Variants in FREM1 observed in about 807,000 individuals in gnomAD.
FREM1 encodes FRAS1-related extracellular matrix protein 1.
Under a neutral mutation model 210.1 loss-of-function variants are expected in FREM1, and 220 were observed. The ratio of observed to expected loss-of-function variants is 1.05; its 90% CI spans 0.94 to 1.17. The LOEUF (loss-of-function observed/expected upper bound fraction) is 1.17, where lower values mean the gene tolerates loss of function less well. Among genes scored for constraint, FREM1 ranks in the 50% most tolerant of loss-of-function variants. FREM1 has a pLI of 0.00. For synonymous variants in FREM1, 1,189 were observed against 980.2 expected (o/e 1.21, Z -3.98); for missense variants, 3,454 against 2,675.5 (o/e 1.29, Z -6.42).
rs10810239 is a variant in FREM1 at position 14,784,667 on chromosome 9, A to G, written c.4178-33T>C. On this transcript the variant is annotated intron_variant, in intron 23 of 36. Coordinates refer to ENST00000380880, the MANE Select transcript of FREM1 (RefSeq NM_001379081.2). The stretch of plus-strand genomic sequence containing the variant: ...ACATAAGAGGTTATGGTCAATAATC[A>G]TATCAAAAAACACATTATGTCCAAG... The G allele has an allele frequency of 0.25, 355,353 of 1,440,092 alleles. 45,846 individuals carry two copies. The highest frequency in any genetic ancestry group is 0.38 in the East Asian group (15,564 of 40,976). 89.2% of individuals were successfully genotyped at this position (1,440,092 alleles called of 1,614,324 possible). A position where few individuals can be genotyped will look rare whatever the true frequency, so the allele number is the denominator to read the frequency against.
intron 24 of FREM1, 33 bp from the exon 25 acceptor site, chr9:14,776,236 G>T: frequency 6.7e-7 from 1 of 1,503,426 alleles, no homozygotes; most frequent in Non-Finnish European, 8.9e-7. Context: ...CCTTCAGCAT[G>T]GATTCTTGTG....
At chr9:14,738,323 A>G (rs964558388) in intron 36 of FREM1, among the ~76,000 whole-genome samples, 1 of 152,196 alleles carries the variant, frequency 6.6e-6, no homozygotes, top group Non-Finnish European at 1.5e-5. Context: ...ACATTCCCCA[A>G]ATCAAATTTG....
At chr9:14,802,186 G>C (rs925160570) in intron 19 of FREM1, among the ~76,000 whole-genome samples, 1 of 152,158 alleles carries the variant, frequency 6.6e-6, no homozygotes, top group Non-Finnish European at 1.5e-5. Flanking sequence ...ATGCAACCAA[G>C]ACGGTGTTTG....
chr9:14,758,956 T>C (rs777918113), intron 28 of FREM1, among the ~76,000 whole-genome samples: 1 of 152,114 alleles, frequency 6.6e-6, no homozygotes, highest in Non-Finnish European at 1.5e-5. Context: ...ACTCTTAAGA[T>C]AGATGGGTTT....
intron 27 of FREM1, among the ~76,000 whole-genome samples, chr9:14,762,891 T>C (rs956313377): frequency 6.6e-6 from 1 of 152,080 alleles, no homozygotes; most frequent in African/African-American, 2.4e-5. Context: ...GAATTTTGCC[T>C]GCAAGAAGCC....
chr9:14,770,609 T>C lies in FREM1; in HGVS notation c.5055A>G (p.Thr1685=), dbSNP rs757163434. 3.1e-6 allele frequency: 5 copies of C among 1,609,858 alleles called. No individual in the cohort carries two copies. The highest frequency in any genetic ancestry group is 1.7e-5 in the Admixed American group (1 of 59,996). ...GPKHGHLENT[T]TGEFIHEKFS... is the part of the protein sequence containing the mutation. ...AAGGATTAAGGAGGCCAGTACCTGT[T>C]GTTGTGTTCTCCAGATGTCCATGTT... Residue 1685 remains threonine, a synonymous_variant, in exon 26 of 37, where the codon ACA becomes ACG. Coordinates refer to ENST00000380880, the MANE Select transcript of FREM1 (RefSeq NM_001379081.2).
chr9:14,744,606 T>C (rs1385084984), intron 35 of FREM1, among the ~76,000 whole-genome samples: 2 of 152,198 alleles, frequency 1.3e-5, no homozygotes, highest in South Asian at 2.1e-4. Flanking sequence ...ATCAAAAATT[T>C]ATTCTCTTGC....
intron 1 of FREM1, among the ~76,000 whole-genome samples, chr9:14,885,045 C>CCCCG (rs1835547243): frequency 7.0e-6 from 1 of 141,962 alleles, no homozygotes; most frequent in Non-Finnish European, 1.5e-5. Context: ...CTGCCTCAGC[C>CCCCG]CCCCGAGTGG....
chr9:14,801,277 C>T (rs1204818182), intron 20 of FREM1, among the ~76,000 whole-genome samples: 3 of 152,178 alleles, frequency 2.0e-5, no homozygotes, highest in East Asian at 1.9e-4. Context: ...GGATTACAGG[C>T]GTGAGCCACC....
Position 14,801,745 on chromosome 9 carries a change from A to G in FREM1, c.3601T>C (p.Phe1201Leu). Residue 1201 changes from phenylalanine to leucine, a missense_variant, in exon 20 of 37, where the codon TTT (phenylalanine) becomes CTT (leucine). Transcript: ENST00000380880. ...TTATTCTCAGAGAAGTCTTTGCTAA[A>G]CCCCCTATCGATGAGGAGGCCATGG... ...PRHGLLIDRG[F>L]SKDFSENKQP... 6.2e-7 allele frequency: 1 copy of G among 1,613,754 alleles called. No homozygotes were observed. The highest frequency in any genetic ancestry group is 1.1e-5 in the South Asian group (1 of 91,056).
Position 14,851,678 on chromosome 9 carries a change from C to T in FREM1, c.829-71G>A, listed in dbSNP as rs146158171. 210 of 1,192,430 alleles carry T rather than the reference C, an allele frequency of 1.8e-4. No individual in the cohort carries two copies. The East Asian group carries it at 4.4e-3, about 25-fold the overall frequency. 73.9% of individuals were successfully genotyped at this position (1,192,430 alleles called of 1,614,324 possible). ...AGGTGATATCATACAGGGCTAATAGCATAATATTTAATACAGCCACAGCCT... is the reference window on the plus strand; with the variant it reads ...AGGTGATATCATACAGGGCTAATAGTATAATATTTAATACAGCCACAGCCT... On this transcript the variant is annotated intron_variant, in intron 5 of 36. Coordinates refer to ENST00000380880, the MANE Select transcript of FREM1 (RefSeq NM_001379081.2).
At chr9:14,820,923 T>A (rs994224140) in intron 13 of FREM1, among the ~76,000 whole-genome samples, 2 of 152,206 alleles carry the variant, frequency 1.3e-5, no homozygotes, top group African/African-American at 2.4e-5. Context: ...TGAATTAGTA[T>A]CCCAATATGG....
chr9:14,799,694 T>C (rs1039010689), intron 20 of FREM1, among the ~76,000 whole-genome samples: 5 of 152,206 alleles, frequency 3.3e-5, no homozygotes, highest in African/African-American at 9.6e-5. Flanking sequence ...CTATTATTTG[T>C]AGCATGTGGT....
chr9:14,829,065 G>A (rs1399763013), intron 10 of FREM1, among the ~76,000 whole-genome samples: 2 of 152,186 alleles, frequency 1.3e-5, no homozygotes, highest in African/African-American at 2.4e-5. Flanking sequence ...CATAGTAGGT[G>A]CCCAATAAAT....
At chr9:14,856,377 C>A (rs999466626) in intron 5 of FREM1, among the ~76,000 whole-genome samples, 2 of 152,132 alleles carry the variant, frequency 1.3e-5, no homozygotes, top group Admixed American at 6.6e-5. Flanking sequence ...TAGTCTGCCT[C>A]ACAGTTTTTT....
chr9:14,838,585 C>T (rs1275931337), intron 10 of FREM1, among the ~76,000 whole-genome samples: 10 of 152,144 alleles, frequency 6.6e-5, no homozygotes, highest in East Asian at 1.9e-4. Context: ...CACTTATTAC[C>T]GCCCCATCTC....
intron 33 of FREM1, 76 bp downstream of exon 33, chr9:14,747,188 T>A: frequency 6.3e-7 from 1 of 1,579,110 alleles, no homozygotes; most frequent in Non-Finnish European, 8.7e-7. Flanking sequence ...GGAGGCTATT[T>A]TGTGAATTAA....
chr9:14,859,378 C>T lies in FREM1; in HGVS notation c.436G>A (p.Glu146Lys). 2 of 1,613,950 alleles carry T rather than the reference C, an allele frequency of 1.2e-6. No individual in the cohort carries two copies. The highest frequency in any genetic ancestry group is 1.7e-6 in the Non-Finnish European group (2 of 1,179,850). ...HMSNNVLEVP[E>K]FNGLSQAIDK... ...ATCGCTTGGGACAAGCCATTGAATTCAGGCACCTCCAGCACATTGTTACTC... is the reference window on the plus strand; with the variant it reads ...ATCGCTTGGGACAAGCCATTGAATTTAGGCACCTCCAGCACATTGTTACTC... Residue 146 changes from glutamate to lysine, a missense_variant, in exon 4 of 37, where the codon GAA becomes AAA. Coordinates refer to ENST00000380880, the MANE Select transcript of FREM1 (RefSeq NM_001379081.2).
rs770245035 is a variant in FREM1, at chr9:14,806,711, T to C, written c.3224A>G (p.Asn1075Ser). ...VSPPQFGYLE[N>S]ILPSVGFEKS... ...TTCAAAACCCACAGAAGGGAGTATA[T>C]TTTCGAGGTAGCCAAACTGAGGAGG... Residue 1075 changes from asparagine (N) to serine (S), a missense_variant, in exon 18 of 37, where the codon AAT (asparagine) becomes AGT (serine). Physicochemically the swap from Asn to Ser is conservative, Grantham distance 46. Transcript: ENST00000380880. The C allele has an allele frequency of 1.9e-6, 3 of 1,603,972 alleles. No homozygotes were observed. Among genetic ancestry groups the C allele is most frequent in the Non-Finnish European group, 1.7e-6 (2 of 1,175,078 alleles).
Sources: gnomAD v4.1 joint callset for allele counts (sites outside exome capture counted in the v4.1 genomes callset) on GRCh38, gnomAD v4.1.1 for gene constraint, MANE v1.5 for transcripts, NCBI Gene and HGNC (gene_info 2026-07-23, HGNC 2026-07-21) for gene names.